MED12L: variants seen among roughly 807,000 people sequenced by gnomAD.
MED12L encodes the protein mediator of RNA polymerase II transcription subunit 12-like protein.
MED12L carries 60 observed loss-of-function variants against 281.3 expected under a neutral mutation model. The ratio of observed to expected loss-of-function variants is 0.21; its 90% CI spans 0.17 to 0.26. MED12L has a LOEUF of 0.26. Ranked by LOEUF, MED12L falls within the 10% of genes least tolerant of loss-of-function variation. MED12L has a pLI of 1.00. For missense variants in MED12L, 2,146 were observed against 2,680.9 expected, an observed-to-expected ratio of 0.80 and a Z score of 4.41; for synonymous variants, 974 against 987.2, an observed-to-expected ratio of 0.99 and a Z score of 0.25.
At chr3:151,154,956 C>A (rs528231167) in intron 5 of MED12L, among the ~76,000 whole-genome samples, 156 of 152,318 alleles carry the variant, frequency 1.0e-3, no homozygotes, top group Non-Finnish European at 1.8e-3. Flanking sequence ...CGAAGTTTAA[C>A]AACTCCAGCG....
chr3:151,156,172 A>G lies in MED12L; in HGVS notation c.568A>G (p.Ile190Val), dbSNP rs1719251582. ...APDPNLEWTQISTRYLREQLA... is the reference protein window; with the variant it reads ...APDPNLEWTQVSTRYLREQLA... ...TTTTTAAAATGCAGAGTGGACACAG[A>G]TATCTACCAGATATCTTCGAGAGCA... Residue 190 changes from isoleucine to valine, a missense_variant, in exon 6 of 45, where the codon ATA (isoleucine) becomes GTA (valine). Ile to Val is a conservative substitution (Grantham distance 29). Transcript: ENST00000687756. 2 of 1,607,582 alleles carry G rather than the reference A, an allele frequency of 1.2e-6. No homozygotes were observed. The highest frequency in any genetic ancestry group is 1.7e-6 in the Non-Finnish European group (2 of 1,177,792).
chr3:151,325,585 C>G (rs1478087212), intron 16 of MED12L, among the ~76,000 whole-genome samples: 1 of 152,106 alleles, frequency 6.6e-6, no homozygotes, highest in Non-Finnish European at 1.5e-5. Flanking sequence ...TTTAAGATCT[C>G]TCTACTATGC....
Position 151,385,182 on chromosome 3 carries a change from T to A in MED12L, c.5079T>A (p.Asp1693Glu). 1.4e-6 allele frequency: 2 copies of A among 1,441,128 alleles called. No homozygotes were observed. Among genetic ancestry groups the A allele is most frequent in the Non-Finnish European group, 1.9e-6 (2 of 1,045,692 alleles). The allele number at this position is 1,441,128 out of a possible 1,614,324, so 89.3% of individuals were successfully genotyped here. A position where few individuals can be genotyped will look rare whatever the true frequency, so the allele number is the denominator to read the frequency against. The change falls in exon 36 of 45, where the codon GAT becomes GAA. Residue 1693 changes from aspartate to glutamate, a missense_variant. Physicochemically the swap from Asp to Glu is conservative, Grantham distance 45 (BLOSUM62 2). Transcript: ENST00000687756. ...GNKIAGFDSI[D>E]KKQGLQVSTK... ...AAATTGCTGGATTTGACTCTATAGA[T>A]AAAAAACAGGCAAGAGTGAATGTTT...
chr3:151,201,479 G>A (rs764690441), intron 16 of MED12L, among the ~76,000 whole-genome samples: 5 of 152,260 alleles, frequency 3.3e-5, no homozygotes, highest in Non-Finnish European at 5.9e-5. Context: ...AAACTTTATC[G>A]ATAGCCTGTA....
At chr3:151,253,375 A>G (rs995966529) in intron 16 of MED12L, among the ~76,000 whole-genome samples, 2 of 152,378 alleles carry the variant, frequency 1.3e-5, no homozygotes, top group Non-Finnish European at 1.5e-5. Context: ...CAACAGCAGC[A>G]TAAGATACAC....
chr3:151,171,398 A>T (rs75036711), intron 11 of MED12L, among the ~76,000 whole-genome samples: 1 of 152,114 alleles, frequency 6.6e-6, no homozygotes, highest in Non-Finnish European at 1.5e-5. Flanking sequence ...CCTCAAGGAC[A>T]TGGATAGAAG....
chr3:151,329,000 A>G, intron 16 of MED12L: 6 of 1,588,056 alleles, frequency 3.8e-6, no homozygotes, highest in Middle Eastern at 1.7e-4. Flanking sequence ...CATTGCTTCC[A>G]GTGTCACCTG....
At chr3:151,226,140 C>T (rs1297355467) in intron 16 of MED12L, among the ~76,000 whole-genome samples, 1 of 152,144 alleles carries the variant, frequency 6.6e-6, no homozygotes, top group African/African-American at 2.4e-5. Context: ...AAGGAGGAAG[C>T]ACAGGAACAC....
chr3:151,347,966 T>C (rs1752732381), intron 16 of MED12L, among the ~76,000 whole-genome samples: 1 of 152,186 alleles, frequency 6.6e-6, no homozygotes, highest in Middle Eastern at 3.2e-3. Flanking sequence ...ATAGTGATCC[T>C]GTGCGATGTG....
At chr3:151,380,778 A>G (rs1027511824) in intron 32 of MED12L, among the ~76,000 whole-genome samples, 4 of 152,214 alleles carry the variant, frequency 2.6e-5, no homozygotes, top group Admixed American at 1.3e-4. Flanking sequence ...TATATATTGC[A>G]TATAACTTTG....
chr3:151,248,401 GT>G (rs1736174993), intron 16 of MED12L, among the ~76,000 whole-genome samples: 1 of 152,054 alleles, frequency 6.6e-6, no homozygotes, highest in African/African-American at 2.4e-5. Flanking sequence ...TATTTGTAGA[GT>G]TTTAGCATTT....
intron 16 of MED12L, among the ~76,000 whole-genome samples, chr3:151,200,214 G>A (rs933795678): frequency 1.1e-4 from 17 of 151,492 alleles, no homozygotes; most frequent in African/African-American, 3.6e-4. Flanking sequence ...GTCTTGTCAT[G>A]TCCCTCCCAA....
intron 16 of MED12L, chr3:151,269,589 A>G (rs1287850812): frequency 3.2e-6 from 1 of 313,254 alleles, no homozygotes. Flanking sequence ...TCAGCCATCC[A>G]CAAGTGTCTA....
intron 16 of MED12L, chr3:151,214,089 G>A (rs753369434): frequency 6.4e-5 from 104 of 1,614,014 alleles, no homozygotes; most frequent in Non-Finnish European, 8.5e-7. Context: ...CAAGGATCTT[G>A]AAAGGAAAAG....
At chr3:151,271,691 C>T (rs1177147582) in intron 16 of MED12L, among the ~76,000 whole-genome samples, 2 of 152,034 alleles carry the variant, frequency 1.3e-5, no homozygotes, top group Non-Finnish European at 2.9e-5. Context: ...TGCGGGCCCA[C>T]AATATAGGTA....
intron 16 of MED12L, among the ~76,000 whole-genome samples, chr3:151,295,546 T>C (rs1310222972): frequency 6.6e-6 from 1 of 152,182 alleles, no homozygotes; most frequent in Non-Finnish European, 1.5e-5. Flanking sequence ...ATCAACAAAA[T>C]GTGGACAGAA....
rs766851639 is a variant in MED12L at position 151,350,070 on chromosome 3, A to C, written c.2262A>C (p.Ser754=). The part of the protein sequence containing the change: ...THFPIPLDES[S]SHECNQRTIL... ...TTTCTGTTTTTCAGGATGAATCTTCAAGTCATGAATGTAACCAGCGCACAA... is the reference window on the plus strand; with the variant it reads ...TTTCTGTTTTTCAGGATGAATCTTCCAGTCATGAATGTAACCAGCGCACAA... The change falls in exon 17 of 45, where the codon TCA becomes TCC. Residue 754 remains serine (S), a synonymous_variant. Coordinates refer to ENST00000687756, the MANE Select transcript of MED12L (RefSeq NM_001393769.1). 73 of 1,609,608 alleles carry C rather than the reference A, an allele frequency of 4.5e-5. No homozygotes were observed. The highest frequency in any genetic ancestry group is 5.7e-5 in the Non-Finnish European group (67 of 1,177,432).
chr3:151,188,545 CT>C, intron 13 of MED12L, 65 bp downstream of exon 13: 3 of 1,441,396 alleles, frequency 2.1e-6, no homozygotes, highest in Admixed American at 2.2e-5. Flanking sequence ...TTTCTGATTC[CT>C]TTTTTAAAAA....
Position 151,189,240 on chromosome 3 carries a change from G to A in MED12L, c.1753+760G>A, listed in dbSNP as rs140780290. 4.6e-3 allele frequency among the ~76,000 whole-genome samples: 701 copies of A among 152,272 alleles called. 4 individuals carry two copies. The highest frequency in any genetic ancestry group is 7.9e-3 in the Non-Finnish European group (534 of 68,014). On this transcript the variant is annotated intron_variant, in intron 13 of 44. Coordinates refer to ENST00000687756, the MANE Select transcript of MED12L (RefSeq NM_001393769.1). ...TACTCTTCTGAGTCCTCTGAGGAGG[G>A]GCCTGAGTGAGACCTGCAGGTGAGG...
Sources: gnomAD v4.1 joint callset for allele counts (sites outside exome capture counted in the v4.1 genomes callset) on GRCh38, gnomAD v4.1.1 for gene constraint, MANE v1.5 for transcripts, NCBI Gene and HGNC (gene_info 2026-07-23, HGNC 2026-07-21) for gene names.